MYO5B: variants seen among roughly 807,000 people sequenced by gnomAD.
MYO5B encodes the protein unconventional myosin-Vb.
Under a neutral mutation model 229.3 loss-of-function variants are expected in MYO5B, and 143 were observed. The ratio of observed to expected loss-of-function variants is 0.62; its 90% CI spans 0.54 to 0.72. The LOEUF (loss-of-function observed/expected upper bound fraction) is 0.72, where lower values mean the gene tolerates loss of function less well. MYO5B is among the 30% of genes least tolerant of loss of function. MYO5B has a pLI of 0.00. For missense variants in MYO5B, 2,321 were observed against 2,331.0 expected, an observed-to-expected ratio of 1.00 and a Z score of 0.09; for synonymous variants, 918 against 885.2, an observed-to-expected ratio of 1.04 and a Z score of -0.66.
Position 50,195,143 on chromosome 18 carries a change from C to A in MYO5B, c.-350G>T, listed in dbSNP as rs2033286297. The A allele has an allele frequency of 5.4e-6, 1 of 185,098 alleles. No individual in the cohort carries two copies. Among genetic ancestry groups the A allele is most frequent in the Non-Finnish European group, 1.1e-5 (1 of 90,264 alleles). 11.5% of individuals were successfully genotyped at this position (185,098 alleles called of 1,614,324 possible). A position where few individuals can be genotyped will look rare whatever the true frequency, so the allele number is the denominator to read the frequency against. ...AGCGGACGGCCCGTGCGCCGCCGCG[C>A]CTCTGAGCCCTGCCGGTGCCCGGCC... On this transcript the variant is annotated 5_prime_UTR_variant, in exon 1 of 40. Transcript: ENST00000285039.
chr18:50,086,736 G>A (rs1305473273), intron 1 of MYO5B, among the ~76,000 whole-genome samples: 1 of 152,168 alleles, frequency 6.6e-6, no homozygotes, highest in Non-Finnish European at 1.5e-5. Context: ...CATGTCTGGA[G>A]CTCAGAAGAG....
intron 1 of MYO5B, among the ~76,000 whole-genome samples, chr18:50,059,392 G>A (rs2030631889): frequency 6.6e-6 from 1 of 152,210 alleles, no homozygotes; most frequent in African/African-American, 2.4e-5. Context: ...CCTAAGGAGA[G>A]TAACATCTAT....
intron 4 of MYO5B, among the ~76,000 whole-genome samples, chr18:50,026,171 A>T (rs1356500054): frequency 6.6e-6 from 1 of 152,230 alleles, no homozygotes; most frequent in East Asian, 1.9e-4. Context: ...ACTTAAGAAA[A>T]GCTGCTTTCT....
At chr18:49,826,920 A>G (rs1254654801) in intron 39 of MYO5B, among the ~76,000 whole-genome samples, 1 of 151,608 alleles carries the variant, frequency 6.6e-6, no homozygotes, top group Non-Finnish European at 1.5e-5. Flanking sequence ...CCATATGGAG[A>G]GGCACTATAG....
Position 50,194,938 on chromosome 18 carries a change from C to T in MYO5B, c.-145G>A. ...CTTCTCCGACCTGCCCCGCCGGCTT[C>T]CCGCAGGCGCCGCGGCCGGCTCGCT... is the stretch of plus-strand genomic sequence containing the variant. On this transcript the variant is annotated 5_prime_UTR_variant, in exon 1 of 40. Coordinates refer to ENST00000285039, the MANE Select transcript of MYO5B (RefSeq NM_001080467.3). 8.8e-7 allele frequency: 1 copy of T among 1,133,108 alleles called. No homozygotes were observed. The highest frequency in any genetic ancestry group is 4.5e-5 in the Admixed American group (1 of 22,446). 70.2% of individuals were successfully genotyped at this position (1,133,108 alleles called of 1,614,324 possible). A position where few individuals can be genotyped will look rare whatever the true frequency, so the allele number is the denominator to read the frequency against.
chr18:49,966,408 C>T (rs2144267453), intron 10 of MYO5B, among the ~76,000 whole-genome samples: 1 of 152,310 alleles, frequency 6.6e-6, no homozygotes, highest in Admixed American at 6.5e-5. Context: ...CTGTGTCTGC[C>T]AGTCACTGCC....
At chr18:50,166,921 T>A (rs2032860685) in intron 1 of MYO5B, among the ~76,000 whole-genome samples, 1 of 152,232 alleles carries the variant, frequency 6.6e-6, no homozygotes, top group Admixed American at 6.5e-5. Flanking sequence ...CAATTTTTAC[T>A]GCATTTGGAA....
intron 22 of MYO5B, among the ~76,000 whole-genome samples, chr18:49,893,251 T>G (rs1301594019): frequency 1.3e-5 from 2 of 152,186 alleles, no homozygotes; most frequent in Non-Finnish European, 2.9e-5. Flanking sequence ...AAACAGACTT[T>G]GCAGATGTCT....
chr18:50,135,407 TC>T (rs774340363), intron 1 of MYO5B, among the ~76,000 whole-genome samples: 18 of 152,210 alleles, frequency 1.2e-4, no homozygotes, highest in Non-Finnish European at 2.6e-4. Context: ...ATCCAACATG[TC>T]AAGAGATGAT....
chr18:50,081,808 T>C (rs1303270525), intron 1 of MYO5B, among the ~76,000 whole-genome samples: 1 of 151,964 alleles, frequency 6.6e-6, no homozygotes, highest in Non-Finnish European at 1.5e-5. Flanking sequence ...AGCCCACAAT[T>C]GAGGAATTCA....
rs1000663431 is a variant in MYO5B at position 49,843,184 on chromosome 18, A to T, written c.4611+57T>A. 2.5e-6 allele frequency: 4 copies of T among 1,604,562 alleles called. No individual in the cohort carries two copies. The South Asian group carries it at 4.4e-5, about 18-fold the overall frequency. On this transcript the variant is annotated intron_variant, in intron 34 of 39. Coordinates refer to ENST00000285039, the MANE Select transcript of MYO5B (RefSeq NM_001080467.3). ...ACCCAGACACAGAGAAGCAACAGTA[A>T]GGGGCTGGCTTCACTCTACCCACCA...
chr18:49,823,115 CTT>C lies in MYO5B; in HGVS notation c.*3354_*3355del, dbSNP rs2023790719. The C allele has an allele frequency of 6.6e-6, 1 of 151,480 alleles. No homozygotes were observed. Among genetic ancestry groups the C allele is most frequent in the African/African-American group, 2.4e-5 (1 of 41,226 alleles). The allele number at this position is 151,480 out of a possible 1,614,324, so 9.4% of individuals were successfully genotyped here. On this transcript the variant is annotated 3_prime_UTR_variant, in exon 40 of 40. Coordinates refer to ENST00000285039, the MANE Select transcript of MYO5B (RefSeq NM_001080467.3). ...CTTAGTTTCATTTCTGATTGATCCCCTTTGTTAGAATTAGAAATTTTTTGAAA... is the reference window on the plus strand; with the variant it reads ...CTTAGTTTCATTTCTGATTGATCCCCTGTTAGAATTAGAAATTTTTTGAAA...
At chr18:50,136,203 T>A (rs1485756442) in intron 1 of MYO5B, among the ~76,000 whole-genome samples, 1 of 152,232 alleles carries the variant, frequency 6.6e-6, no homozygotes, top group East Asian at 1.9e-4. Flanking sequence ...TCCCACAGTA[T>A]GTACTTAGAG....
At position 49,856,905 on chromosome 18, in the gene MYO5B, C is replaced by G; in HGVS notation, c.3945-15G>C. 1 of 1,606,542 alleles carries G rather than the reference C, an allele frequency of 6.2e-7. No individual in the cohort carries two copies. Among genetic ancestry groups the G allele is most frequent in the Non-Finnish European group, 8.5e-7 (1 of 1,173,174 alleles). ...CCTCAGTCTTGCTAGAAACAAAGGA[C>G]AGAAAAACAGGGTGTCCAGTGTAGA... On this transcript the variant is annotated splice_polypyrimidine_tract_variant and intron_variant, in intron 29 of 39. Transcript: ENST00000285039.
intron 4 of MYO5B, among the ~76,000 whole-genome samples, chr18:50,022,519 C>G (rs2026287269): frequency 6.6e-6 from 1 of 152,124 alleles, no homozygotes; most frequent in Non-Finnish European, 1.5e-5. Context: ...AGTAAGAAGG[C>G]AAAGACAAGG....
In MYO5B at chr18:50,195,093, A is replaced by C. The variant is rs1034753622; in HGVS notation, c.-300T>G. On this transcript the variant is annotated 5_prime_UTR_variant, in exon 1 of 40. Transcript: ENST00000285039. ...TGTGGGGAGGAGGCGAGGGCCGGCG[A>C]GGAGGGAGGACCCGCTCGCGTCAGA... 3.7e-6 allele frequency: 1 copy of C among 269,996 alleles called. No individual in the cohort carries two copies. The highest frequency in any genetic ancestry group is 2.2e-5 in the African/African-American group (1 of 44,652). 16.7% of individuals were successfully genotyped at this position (269,996 alleles called of 1,614,324 possible).
At chr18:50,022,683 C>G (rs12970975) in intron 4 of MYO5B, among the ~76,000 whole-genome samples, 148,971 of 152,328 alleles carry the variant, frequency 0.98, 72,939 homozygotes, top group East Asian at 1. Flanking sequence ...GAGGTTTAAG[C>G]AATATGAATT....
At chr18:49,851,258 G>A (rs555706506) in intron 31 of MYO5B, among the ~76,000 whole-genome samples, 31 of 152,252 alleles carry the variant, frequency 2.0e-4, no homozygotes, top group African/African-American at 7.5e-4. Context: ...CTCCCGAAAT[G>A]CTCAAGCAGA....
At chr18:50,153,835 G>T (rs1353727316) in intron 1 of MYO5B, among the ~76,000 whole-genome samples, 1 of 152,160 alleles carries the variant, frequency 6.6e-6, no homozygotes, top group East Asian at 1.9e-4. Context: ...GCGAGTGAGT[G>T]ACGACACCAG....
Sources: allele counts gnomAD v4.1 joint callset (sites outside exome capture counted in the v4.1 genomes callset), GRCh38; gene constraint gnomAD v4.1.1; transcripts MANE v1.5; gene names NCBI Gene and HGNC (gene_info 2026-07-23, HGNC 2026-07-21).